The following HERC2 variants were observed in gnomAD, a reference collection of about 807,000 sequenced individuals.
The protein encoded by HERC2 is HECT and RLD domain containing E3 ubiquitin protein ligase 2.
HERC2 carries 102 observed loss-of-function variants against 537.7 expected under a neutral mutation model. The ratio of observed to expected loss-of-function variants is 0.19; its 90% CI spans 0.16 to 0.22. The LOEUF is 0.22. Ranked by LOEUF, HERC2 falls within the 10% of genes least tolerant of loss-of-function variation. The pLI is 1.00. For synonymous variants in HERC2, 2,224 were observed against 2,466.2 expected (o/e 0.90, Z 2.91); for missense variants, 4,236 against 6,198.2 (o/e 0.68, Z 10.63).
chr15:28,257,524 T>C (rs908306536), intron 16 of HERC2, among the ~76,000 whole-genome samples: 1 of 152,096 alleles, frequency 6.6e-6, no homozygotes, highest in Non-Finnish European at 1.5e-5. Flanking sequence ...TCAAAACGAT[T>C]AATGACATTA....
intron 16 of HERC2, among the ~76,000 whole-genome samples, chr15:28,259,937 C>T (rs1313218588): frequency 1.4e-5 from 2 of 144,290 alleles, no homozygotes; most frequent in East Asian, 2.1e-4. Context: ...CAATGCACTC[C>T]AGTCTGGGTG....
intron 86 of HERC2, chr15:28,117,764 C>G (rs1888439309): frequency 2.8e-6 from 1 of 357,502 alleles, no homozygotes; most frequent in Non-Finnish European, 5.5e-6. Context: ...CCCTGCCCAT[C>G]CTTCTCATCC....
At chr15:28,301,735 G>GTGTATATA (rs1468330361) in intron 2 of HERC2, among the ~76,000 whole-genome samples, 22 of 35,358 alleles carry the variant, frequency 6.2e-4, no homozygotes, top group Non-Finnish European at 8.1e-4. Flanking sequence ...GTATGTATGT[G>GTGTATATA]TATATATATA....
At chr15:28,241,671 T>A (rs535851631) in intron 23 of HERC2, among the ~76,000 whole-genome samples, 2 of 152,036 alleles carry the variant, frequency 1.3e-5, no homozygotes, top group South Asian at 4.2e-4. Context: ...ATACAAAAAA[T>A]TAGCTGGGCA....
chr15:28,188,789 A>G (rs754665884), intron 55 of HERC2, among the ~76,000 whole-genome samples: 52 of 152,110 alleles, frequency 3.4e-4, no homozygotes, highest in Non-Finnish European at 5.4e-4. Flanking sequence ...TTTTGTTTAC[A>G]TGTTAGAAAA....
intron 92 of HERC2, among the ~76,000 whole-genome samples, chr15:28,112,262 C>T (rs987963177): frequency 3.3e-5 from 5 of 152,108 alleles, no homozygotes; most frequent in African/African-American, 9.7e-5. Context: ...ATTGTCATCC[C>T]GGGAAGAGGG....
chr15:28,290,856 G>C (rs529407730), intron 4 of HERC2, among the ~76,000 whole-genome samples: 1 of 152,188 alleles, frequency 6.6e-6, no homozygotes, highest in South Asian at 2.1e-4. Flanking sequence ...ACACTTGTTA[G>C]AAAAGACAAA....
intron 3 of HERC2, among the ~76,000 whole-genome samples, chr15:28,298,919 AG>A: frequency 6.6e-6 from 1 of 152,286 alleles, no homozygotes; most frequent in East Asian, 1.9e-4. Flanking sequence ...ACTCTCAAGC[AG>A]GGGGACCAAC....
intron 70 of HERC2, among the ~76,000 whole-genome samples, chr15:28,152,069 T>C (rs989018074): frequency 6.6e-6 from 1 of 152,184 alleles, no homozygotes; most frequent in African/African-American, 2.4e-5. Context: ...AGGAGGTGCC[T>C]GCTGAGGCTG....
intron 80 of HERC2, 101 bp downstream of exon 80, chr15:28,132,552 A>G (rs1890214819): frequency 8.5e-7 from 1 of 1,174,392 alleles, no homozygotes; most frequent in Non-Finnish European, 1.1e-6. Flanking sequence ...GCCTTCTAGA[A>G]GCCAAAGCAT....
chr15:28,196,183 G>A, intron 52 of HERC2, 32 bp downstream of exon 52: 1 of 1,251,336 alleles, frequency 8.0e-7, no homozygotes, highest in Non-Finnish European at 1.1e-6. Context: ...TTAATATTTG[G>A]TGGAAGAGAG....
At position 28,113,821 on chromosome 15, in the gene HERC2, T is replaced by C. The variant is rs1887922598; in HGVS notation, c.13914-143A>G. On this transcript the variant is annotated intron_variant, in intron 90 of 92. Transcript: ENST00000261609. This position sits in a 1 kb window ranked among gnomAD's most constrained non-coding sequence, Gnocchi z 7.0. The stretch of plus-strand genomic sequence containing the variant: ...GGAGCAGCTCCAGATGGCATGAGCA[T>C]GCTTAGCAGCTCGGCACTGCAGAGC... 2.9e-6 allele frequency: 2 copies of C among 679,540 alleles called. No homozygotes were observed. Among genetic ancestry groups the C allele is most frequent in the Non-Finnish European group, 2.6e-6 (1 of 379,932 alleles). 42.1% of individuals were successfully genotyped at this position (679,540 alleles called of 1,614,324 possible).
chr15:28,311,026 G>C (rs1224759492), intron 2 of HERC2, among the ~76,000 whole-genome samples: 4 of 123,588 alleles, frequency 3.2e-5, no homozygotes, highest in Non-Finnish European at 6.4e-5. Context: ...GCAGTGAGTG[G>C]AGATCGCACC....
chr15:28,257,788 C>A (rs900674115), intron 16 of HERC2, among the ~76,000 whole-genome samples: 1 of 151,556 alleles, frequency 6.6e-6, no homozygotes, highest in African/African-American at 2.4e-5. Flanking sequence ...GTCACCCAGA[C>A]TGGAGCCTCA....
intron 35 of HERC2, among the ~76,000 whole-genome samples, chr15:28,223,868 G>A (rs926965029): frequency 3.9e-5 from 6 of 151,946 alleles, no homozygotes; most frequent in African/African-American, 1.5e-4. Context: ...TTAAACACAT[G>A]AATACTATCA....
intron 67 of HERC2, 98 bp downstream of exon 67, chr15:28,168,309 A>T: frequency 1.6e-6 from 2 of 1,223,822 alleles, no homozygotes. Context: ...CGGGAGGCAC[A>T]GAAACAGCCT....
chr15:28,278,954 A>C (rs988297640), intron 5 of HERC2, among the ~76,000 whole-genome samples: 19 of 152,350 alleles, frequency 1.2e-4, no homozygotes, highest in African/African-American at 4.1e-4. Flanking sequence ...TCTGTGATAC[A>C]TTAACAGGCA....
intron 4 of HERC2, among the ~76,000 whole-genome samples, chr15:28,287,637 T>A (rs921571482): frequency 2.0e-5 from 3 of 152,122 alleles, no homozygotes; most frequent in African/African-American, 7.2e-5. Context: ...TTACTTCATG[T>A]CAGTTGCACA....
intron 9 of HERC2, chr15:28,271,937 A>G (rs2075740823): frequency 2.1e-6 from 1 of 467,014 alleles, no homozygotes; most frequent in Admixed American, 3.8e-5. Flanking sequence ...AAGGACCAAC[A>G]AAGCAGGCCG....
Sources: gnomAD v4.1 joint callset for allele counts (sites outside exome capture counted in the v4.1 genomes callset) on GRCh38, gnomAD v4.1.1 for gene constraint, Gnocchi (gnomAD v3.1) non-coding constraint, MANE v1.5 for transcripts, NCBI Gene and HGNC (gene_info 2026-07-23, HGNC 2026-07-21) for gene names.